CTNNA2: variants seen among roughly 807,000 people sequenced by gnomAD.
CTNNA2 encodes the protein catenin alpha-2.
CTNNA2 carries 42 observed loss-of-function variants against 101.0 expected under a neutral mutation model. That is an observed-to-expected ratio of 0.42 (90% CI 0.32 to 0.54). CTNNA2 has a LOEUF of 0.54. CTNNA2 is among the 20% of genes least tolerant of loss of function. The pLI is 0.14. For missense variants in CTNNA2, 871 were observed against 1,223.1 expected (o/e 0.71, Z 4.29); for synonymous variants, 450 against 456.4 (o/e 0.99, Z 0.18).
In CTNNA2 at chr2:79,314,549, GA is replaced by G. The variant is rs528339403; in HGVS notation, c.-318+1754del. 3.9e-4 allele frequency among the ~76,000 whole-genome samples: 59 copies of G among 152,346 alleles called. No individual in the cohort carries two copies. In the South Asian group the frequency reaches 0.012, roughly 30 times the overall value. ...CAGTAGTAATAAGGCTCAGAGAATA[GA>G]GACCCCAATGAATGGCTCCAGGTCT... On this transcript the variant is annotated intron_variant, in intron 3 of 21. Coordinates refer to the CTNNA2 transcript ENST00000466387.
intron 7 of CTNNA2, among the ~76,000 whole-genome samples, chr2:80,186,574 T>C (rs544672504): frequency 1.3e-5 from 2 of 152,204 alleles, no homozygotes; most frequent in African/African-American, 4.8e-5. Flanking sequence ...ACATTAACAA[T>C]GTTTGTTTGT....
chr2:79,634,860 C>G (rs1240073186), intron 1 of CTNNA2, among the ~76,000 whole-genome samples: 1 of 152,162 alleles, frequency 6.6e-6, no homozygotes, highest in Non-Finnish European at 1.5e-5. Context: ...TTCACAAAGA[C>G]TTAAGATGCA....
intron 7 of CTNNA2, among the ~76,000 whole-genome samples, chr2:79,926,446 CT>C (rs1687027011): frequency 6.6e-6 from 1 of 152,022 alleles, no homozygotes; most frequent in Admixed American, 6.6e-5. Context: ...GAAGCATGTT[CT>C]TTCCTGATAG....
chr2:79,413,089 A>G (rs1479610158), intron 4 of CTNNA2, among the ~76,000 whole-genome samples: 2 of 151,974 alleles, frequency 1.3e-5, no homozygotes, highest in African/African-American at 2.4e-5. Flanking sequence ...CAATCCTTCC[A>G]TCCCCCAACC....
In CTNNA2 at chr2:80,169,025, TA is replaced by T. The variant is rs1704877636; in HGVS notation, c.1057-224184del. Among the ~76,000 whole-genome samples the T allele has an allele frequency of 2.0e-5, 3 of 152,312 alleles. No individual in the cohort carries two copies. The East Asian group carries it at 5.8e-4, about 29-fold the overall frequency. On this transcript the variant is annotated intron_variant, in intron 7 of 18. Coordinates refer to ENST00000402739, the MANE Select transcript of CTNNA2 (RefSeq NM_001282597.3). ...CCTGGCTGGGCTCTGCTCCGTGAGATAAGGAATCCATGGGCCACGGGGCCTG... is the reference window on the plus strand; with the variant it reads ...CCTGGCTGGGCTCTGCTCCGTGAGATAGGAATCCATGGGCCACGGGGCCTG...
At chr2:80,423,977 A>T (rs148856289) in intron 9 of CTNNA2, among the ~76,000 whole-genome samples, 1,997 of 151,380 alleles carry the variant, frequency 0.013, 65 homozygotes, top group East Asian at 0.13. Context: ...TTTTTTTGAG[A>T]TGGAGTCTCG....
chr2:79,987,220 G>A (rs1264180300), intron 7 of CTNNA2, among the ~76,000 whole-genome samples: 1 of 152,192 alleles, frequency 6.6e-6, no homozygotes, highest in Non-Finnish European at 1.5e-5. Flanking sequence ...GTCAGGGTGA[G>A]CCTTTATCAT....
intron 3 of CTNNA2, among the ~76,000 whole-genome samples, chr2:79,845,687 T>C (rs1015675908): frequency 6.6e-6 from 1 of 152,162 alleles, no homozygotes; most frequent in African/African-American, 2.4e-5. Context: ...ATCACAGGAG[T>C]GAAGAAAGCT....
intron 4 of CTNNA2, among the ~76,000 whole-genome samples, chr2:79,422,757 A>G (rs1341600033): frequency 6.6e-6 from 1 of 152,230 alleles, no homozygotes; most frequent in Non-Finnish European, 1.5e-5. Context: ...TTGTCTAAAA[A>G]GAATAAAGTA....
At chr2:80,352,910 G>T (rs886215473) in intron 7 of CTNNA2, among the ~76,000 whole-genome samples, 6 of 150,630 alleles carry the variant, frequency 4.0e-5, no homozygotes, top group Admixed American at 2.0e-4. Flanking sequence ...AGATCAAGAG[G>T]TTACTTTAAA....
At chr2:79,248,931 T>G (rs889791723) in intron 2 of CTNNA2, among the ~76,000 whole-genome samples, 1 of 152,144 alleles carries the variant, frequency 6.6e-6, no homozygotes. Context: ...CCCAAATCAG[T>G]TTTTCAACAC....
At chr2:80,286,939 T>C (rs2149170291) in intron 7 of CTNNA2, among the ~76,000 whole-genome samples, 1 of 152,346 alleles carries the variant, frequency 6.6e-6, no homozygotes, top group African/African-American at 2.4e-5. Context: ...TGAATTGAAC[T>C]GATACAAATT....
intron 12 of CTNNA2, among the ~76,000 whole-genome samples, chr2:80,562,766 TA>T (rs1466802283): frequency 6.6e-5 from 10 of 152,144 alleles, no homozygotes; most frequent in Admixed American, 5.9e-4. Flanking sequence ...GAATGGGGAA[TA>T]ACTATACAAT....
At chr2:79,790,061 G>C (rs1675151058) in intron 3 of CTNNA2, among the ~76,000 whole-genome samples, 1 of 152,202 alleles carries the variant, frequency 6.6e-6, no homozygotes, top group Non-Finnish European at 1.5e-5. Flanking sequence ...ATTTGGAAAT[G>C]TACTTCTAGA....
At chr2:79,962,985 G>A (rs1010781723) in intron 7 of CTNNA2, among the ~76,000 whole-genome samples, 4 of 149,132 alleles carry the variant, frequency 2.7e-5, no homozygotes, top group Admixed American at 1.4e-4. Flanking sequence ...GCAGGAGAAC[G>A]GTGTGAACCC....
intron 5 of CTNNA2, among the ~76,000 whole-genome samples, chr2:79,870,566 C>T (rs1479269492): frequency 1.3e-5 from 2 of 151,990 alleles, no homozygotes; most frequent in Non-Finnish European, 2.9e-5. Context: ...TCTCCTCAGC[C>T]TCAGTATTAG....
rs540093181 is a variant in CTNNA2, at chr2:79,557,068, A to G, written c.-6+43861A>G. 3.7e-4 allele frequency among the ~76,000 whole-genome samples: 56 copies of G among 152,046 alleles called. 1 individual carries two copies. The South Asian group carries it at 0.011, about 29-fold the overall frequency. ...ATTCACTGTCAGGGAACTTTTTCTC[A>G]TATCTAACCAAAATCTCTGTTGCTG... On this transcript the variant is annotated intron_variant, in intron 1 of 18. Coordinates refer to ENST00000402739, the MANE Select transcript of CTNNA2 (RefSeq NM_001282597.3).
intron 7 of CTNNA2, among the ~76,000 whole-genome samples, chr2:79,946,916 C>A (rs1248994657): frequency 6.6e-6 from 1 of 152,158 alleles, no homozygotes; most frequent in Non-Finnish European, 1.5e-5. Context: ...AGACCAGTCT[C>A]CAAGAAGGAG....
At chr2:79,542,036 T>C (rs1476091219) in intron 1 of CTNNA2, among the ~76,000 whole-genome samples, 1 of 152,168 alleles carries the variant, frequency 6.6e-6, no homozygotes, top group Non-Finnish European at 1.5e-5. Context: ...GCCTTATAAT[T>C]TCTTTTTTTT....
Sources: allele counts gnomAD v4.1 joint callset (sites outside exome capture counted in the v4.1 genomes callset), GRCh38; gene constraint gnomAD v4.1.1; transcripts MANE v1.5; gene names NCBI Gene and HGNC (gene_info 2026-07-23, HGNC 2026-07-21).